CGNL1: variants seen among roughly 807,000 people sequenced by gnomAD.
CGNL1 encodes cingulin like 1.
CGNL1 carries 132 observed loss-of-function variants against 141.2 expected under a neutral mutation model. The ratio of observed to expected loss-of-function variants is 0.93; its 90% confidence interval spans 0.81 to 1.08. The LOEUF (loss-of-function observed/expected upper bound fraction) is 1.08. Among genes scored for constraint, CGNL1 ranks in the 50% least tolerant of loss-of-function variants. The probability of loss-of-function intolerance (pLI) is 0.00; values close to 1 mark genes in which losing one functional copy is unlikely to be tolerated. For synonymous variants in CGNL1, 690 were observed against 622.1 expected (o/e 1.11, Z -1.63); for missense variants, 1,870 against 1,588.6 (o/e 1.18, Z -3.01).
rs146642570 is a variant in CGNL1 at position 57,518,434 on chromosome 15, A to C, written c.2652A>C (p.Arg884Ser). The C allele has an allele frequency of 2.5e-4, 409 of 1,613,268 alleles. No individual in the cohort carries two copies. Among genetic ancestry groups the C allele is most frequent in the Non-Finnish European group, 2.3e-4 (271 of 1,179,750 alleles). The change falls in exon 10 of 19, where the codon AGA (arginine) becomes AGC (serine). Residue 884 changes from arginine (R) to serine (S), a missense_variant. Arg to Ser is a moderately radical substitution (Grantham distance 110). Coordinates refer to ENST00000281282, the MANE Select transcript of CGNL1 (RefSeq NM_032866.5). ...RQLEEALVHA[R>S]KEEKEAVSAR... ...TAGAGGAGGCCCTTGTGCACGCCAG[A>C]AAGGAAGAAAAAGAAGCTGTGTCAG... is the stretch of plus-strand genomic sequence containing the variant.
intron 8 of CGNL1, among the ~76,000 whole-genome samples, chr15:57,471,575 G>T (rs1054818820): frequency 1.3e-5 from 2 of 152,224 alleles, no homozygotes; most frequent in South Asian, 4.1e-4. Context: ...GAGGTAATGC[G>T]CTGGAAGCAC....
At chr15:57,378,538 T>G (rs1215349879) in intron 1 of CGNL1, among the ~76,000 whole-genome samples, 1 of 151,910 alleles carries the variant, frequency 6.6e-6, no homozygotes, top group Non-Finnish European at 1.5e-5. Context: ...CCCGCTACCA[T>G]GCTCGGCTAC....
Position 57,456,491 on chromosome 15 carries a change from TAAAA to T in CGNL1, c.2190+2681_2190+2684del, listed in dbSNP as rs377705775. ...CTTCTCTAATAAACTGGCTTTCACT[TAAAA>T]AAAAAAATAAATAAAACAGTTTAAA... is the stretch of plus-strand genomic sequence containing the variant. On this transcript the variant is annotated intron_variant, in intron 7 of 18. Transcript: ENST00000281282. Among the ~76,000 whole-genome samples, 660 of 144,340 alleles carry T rather than the reference TAAAA, an allele frequency of 4.6e-3. 2 individuals carry two copies. Among genetic ancestry groups the T allele is most frequent in the East Asian group, 0.026 (129 of 5,018 alleles). 94.7% of individuals were successfully genotyped at this position (144,340 alleles called of 152,430 possible). A position where few individuals can be genotyped will look rare whatever the true frequency, so the allele number is the denominator to read the frequency against.
At chr15:57,394,448 A>G (rs1029421349) in intron 1 of CGNL1, among the ~76,000 whole-genome samples, 13 of 152,112 alleles carry the variant, frequency 8.5e-5, no homozygotes, top group African/African-American at 2.9e-4. Context: ...TAGTAACGCT[A>G]TTGATTCCAT....
intron 1 of CGNL1, among the ~76,000 whole-genome samples, chr15:57,384,924 T>A (rs779650174): frequency 3.3e-5 from 5 of 152,126 alleles, no homozygotes; most frequent in Admixed American, 6.5e-5. Flanking sequence ...GTGGGGAGTG[T>A]TTTGCAAAAA....
At position 57,547,588 on chromosome 15, in the gene CGNL1, CCA is replaced by C; in HGVS notation, c.*99_*100del. On this transcript the variant is annotated 3_prime_UTR_variant, in exon 19 of 19. Transcript: ENST00000281282. Reference sequence around the variant, plus strand: ...GGGGAGCATCTGTCTGCCACTGAGACCAATCACAGCCTCTTTGCACAGCATGC... The same window carrying C: ...GGGGAGCATCTGTCTGCCACTGAGACATCACAGCCTCTTTGCACAGCATGC... 7.3e-7 allele frequency: 1 copy of C among 1,361,778 alleles called. No individual in the cohort carries two copies. The highest frequency in any genetic ancestry group is 1.0e-6 in the Non-Finnish European group (1 of 987,006). 84.4% of individuals were successfully genotyped at this position (1,361,778 alleles called of 1,614,324 possible).
chr15:57,408,466 C>G (rs186913846), intron 1 of CGNL1, among the ~76,000 whole-genome samples: 56 of 152,256 alleles, frequency 3.7e-4, no homozygotes, highest in Admixed American at 9.2e-4. Context: ...AGCCCCAAAG[C>G]AAAGTTTGGA....
intron 13 of CGNL1, among the ~76,000 whole-genome samples, chr15:57,530,373 C>G (rs1419960538): frequency 6.6e-6 from 1 of 152,158 alleles, no homozygotes; most frequent in Non-Finnish European, 1.5e-5. Context: ...CTCTGAAGAC[C>G]CTGCTACCAT....
Position 57,544,493 on chromosome 15 carries a change from G to A in CGNL1, c.3396G>A (p.Arg1132=). 1 of 1,614,018 alleles carries A rather than the reference G, an allele frequency of 6.2e-7. No individual in the cohort carries two copies. Among genetic ancestry groups the A allele is most frequent in the South Asian group, 1.1e-5 (1 of 91,006 alleles). The change falls in exon 16 of 19, where the codon CGG becomes CGA. Residue 1132 remains arginine (R), a synonymous_variant. Coordinates refer to ENST00000281282, the MANE Select transcript of CGNL1 (RefSeq NM_032866.5). ...TCCAGAACAAGGACTTAAAGAGCCG[G>A]ATTATCCACCTGGAAGGTTCCTACA... ...LERQNKDLKS[R]IIHLEGSYRS...
At chr15:57,422,937 GC>G (rs2062932158) in intron 1 of CGNL1, among the ~76,000 whole-genome samples, 1 of 152,238 alleles carries the variant, frequency 6.6e-6, no homozygotes, top group East Asian at 1.9e-4. Flanking sequence ...GTCCCCAAAA[GC>G]CTTTTTGCCT....
intron 8 of CGNL1, among the ~76,000 whole-genome samples, chr15:57,514,165 T>A (rs1464177368): frequency 6.6e-6 from 1 of 152,136 alleles, no homozygotes; most frequent in Non-Finnish European, 1.5e-5. Flanking sequence ...ATTTATTTAT[T>A]TTTTGAGATG....
chr15:57,498,037 T>C (rs1426071392), intron 8 of CGNL1, among the ~76,000 whole-genome samples: 2 of 152,038 alleles, frequency 1.3e-5, no homozygotes, highest in Non-Finnish European at 2.9e-5. Context: ...CATGTGCTGT[T>C]TTTTTTCCAT....
chr15:57,489,316 C>A (rs1043791611), intron 8 of CGNL1, among the ~76,000 whole-genome samples: 5 of 152,082 alleles, frequency 3.3e-5, no homozygotes, highest in Non-Finnish European at 7.4e-5. Flanking sequence ...AAGAGCATAC[C>A]TAATTCCAAT....
intron 8 of CGNL1, among the ~76,000 whole-genome samples, chr15:57,470,339 A>G (rs745576315): frequency 1.1e-4 from 16 of 141,966 alleles, no homozygotes; most frequent in African/African-American, 4.3e-4. Flanking sequence ...ATTAAAAAGT[A>G]TATAAATAAG....
intron 1 of CGNL1, among the ~76,000 whole-genome samples, chr15:57,413,604 C>A (rs2062817361): frequency 1.3e-5 from 2 of 152,184 alleles, no homozygotes; most frequent in South Asian, 4.1e-4. Context: ...AGTAGGGAAA[C>A]CACTCCTTCC....
Position 57,451,563 on chromosome 15 carries a change from G to C in CGNL1, c.1867G>C (p.Val623Leu). The C allele has an allele frequency of 1.9e-6, 3 of 1,612,158 alleles. No individual in the cohort carries two copies. Among genetic ancestry groups the C allele is most frequent in the Non-Finnish European group, 2.5e-6 (3 of 1,179,010 alleles). The change falls in exon 5 of 19, where the codon GTG becomes CTG. Residue 623 changes from valine to leucine, a missense_variant. Val to Leu is a conservative substitution (Grantham distance 32). Transcript: ENST00000281282. Reference sequence around the variant, plus strand: ...ACAGAAAAGCAAGTTGACCATAGAAGTGGCTGAACTTCAGAGACAGCTTCA... The same window carrying C: ...ACAGAAAAGCAAGTTGACCATAGAACTGGCTGAACTTCAGAGACAGCTTCA... The part of the protein sequence containing the change: ...LEQKSKLTIE[V>L]AELQRQLQLE...
At chr15:57,537,297 G>A (rs2140209795) in intron 14 of CGNL1, among the ~76,000 whole-genome samples, 1 of 152,260 alleles carries the variant, frequency 6.6e-6, no homozygotes. Context: ...GCAACTGCAG[G>A]ATTAAATGCC....
At chr15:57,449,053 A>C (rs2063290847) in intron 4 of CGNL1, among the ~76,000 whole-genome samples, 1 of 152,128 alleles carries the variant, frequency 6.6e-6, no homozygotes, top group Admixed American at 6.5e-5. Flanking sequence ...TTGGATTTCA[A>C]ATGAATGCCA....
At chr15:57,407,764 T>TC (rs1181874886) in intron 1 of CGNL1, among the ~76,000 whole-genome samples, 1 of 151,682 alleles carries the variant, frequency 6.6e-6, no homozygotes, top group Non-Finnish European at 1.5e-5. Context: ...TTTTTTTTTT[T>TC]TGAGGCAGAG....
Sources: gnomAD v4.1 joint callset for allele counts (sites outside exome capture counted in the v4.1 genomes callset) on GRCh38, gnomAD v4.1.1 for gene constraint, MANE v1.5 for transcripts, NCBI Gene and HGNC (gene_info 2026-07-23, HGNC 2026-07-21) for gene names.